The following ARHGAP10 variants were observed in gnomAD, a reference collection of about 807,000 sequenced individuals.
ARHGAP10 encodes rho GTPase-activating protein 10.
Under a neutral mutation model 108.6 loss-of-function variants are expected in ARHGAP10, and 87 were observed. The ratio of observed to expected loss-of-function variants is 0.80; its 90% CI spans 0.67 to 0.96. The LOEUF (loss-of-function observed/expected upper bound fraction) is 0.96. ARHGAP10 is among the 40% of genes least tolerant of loss of function. The pLI is 0.00. For synonymous variants in ARHGAP10, 347 were observed against 341.1 expected, an observed-to-expected ratio of 1.02 and a Z score of -0.19; for missense variants, 939 against 954.5, an observed-to-expected ratio of 0.98 and a Z score of 0.21.
At chr4:147,886,876 T>C (rs1380916645) in intron 10 of ARHGAP10, among the ~76,000 whole-genome samples, 1 of 152,152 alleles carries the variant, frequency 6.6e-6, no homozygotes, top group Non-Finnish European at 1.5e-5. Context: ...GTTCAAGCAA[T>C]TCTTATGCCT....
chr4:147,978,758 C>T (rs961623773), intron 18 of ARHGAP10, among the ~76,000 whole-genome samples: 2 of 152,198 alleles, frequency 1.3e-5, no homozygotes, highest in East Asian at 1.9e-4. Context: ...GTGAGAATGG[C>T]CTAATACAGA....
intron 18 of ARHGAP10, among the ~76,000 whole-genome samples, chr4:148,004,223 A>G (rs1228427216): frequency 1.3e-5 from 2 of 152,228 alleles, no homozygotes; most frequent in Admixed American, 6.5e-5. Flanking sequence ...TTTGAAGGGC[A>G]TCTCTCTGCT....
intron 1 of ARHGAP10, among the ~76,000 whole-genome samples, chr4:147,768,858 A>G (rs1579021056): frequency 6.6e-6 from 1 of 150,580 alleles, no homozygotes; most frequent in Non-Finnish European, 1.5e-5. Flanking sequence ...TCTTCCTCAG[A>G]CTCCCAAGTA....
intron 7 of ARHGAP10, among the ~76,000 whole-genome samples, chr4:147,870,522 C>T (rs1205653853): frequency 1.3e-5 from 2 of 150,624 alleles, no homozygotes; most frequent in East Asian, 3.9e-4. Context: ...CCTATTTTTC[C>T]CCATCTGATA....
chr4:147,886,784 T>C (rs1735584417), intron 10 of ARHGAP10, among the ~76,000 whole-genome samples: 2 of 152,196 alleles, frequency 1.3e-5, no homozygotes, highest in African/African-American at 4.8e-5. Context: ...CTTTTTCTTT[T>C]CTTTGAGATA....
At chr4:147,759,164 A>G (rs1416565329) in intron 1 of ARHGAP10, among the ~76,000 whole-genome samples, 1 of 152,202 alleles carries the variant, frequency 6.6e-6, no homozygotes, top group Non-Finnish European at 1.5e-5. Context: ...CTATTGTAAT[A>G]AAATAGTGAT....
chr4:147,785,932 T>G (rs1296170301), intron 1 of ARHGAP10, among the ~76,000 whole-genome samples: 1 of 152,162 alleles, frequency 6.6e-6, no homozygotes, highest in Non-Finnish European at 1.5e-5. Context: ...ATTTTTCAAG[T>G]CTCTAGTAGT....
chr4:147,936,582 G>T (rs1387628660), intron 13 of ARHGAP10, among the ~76,000 whole-genome samples: 2 of 151,996 alleles, frequency 1.3e-5, no homozygotes, highest in Non-Finnish European at 1.5e-5. Context: ...ACCCGCCTCG[G>T]CCTCCCAAAG....
At chr4:147,831,670 GC>G (rs1221634713) in intron 3 of ARHGAP10, among the ~76,000 whole-genome samples, 1 of 152,146 alleles carries the variant, frequency 6.6e-6, no homozygotes, top group African/African-American at 2.4e-5. Context: ...GGACAGCATT[GC>G]TTTTTCTTAC....
intron 20 of ARHGAP10, among the ~76,000 whole-genome samples, chr4:148,047,654 A>C (rs1728947351): frequency 6.6e-6 from 1 of 152,214 alleles, no homozygotes; most frequent in Admixed American, 6.5e-5. Context: ...TGTGTTGACC[A>C]AGGCTGTGGA....
rs530669393 is a variant in ARHGAP10 at position 147,977,380 on chromosome 4, T to G, written c.1716+10541T>G. ...TAGTTTGGGTATATATGGGCTTGGT[T>G]TTTTGCCTTGAGCTAGTGCTCACTA... On this transcript the variant is annotated intron_variant, in intron 18 of 22. Coordinates refer to ENST00000336498, the MANE Select transcript of ARHGAP10 (RefSeq NM_024605.4). 3.9e-5 allele frequency among the ~76,000 whole-genome samples: 6 copies of G among 152,186 alleles called. No homozygotes were observed. In the South Asian group the frequency reaches 1.0e-3, roughly 26 times the overall value.
intron 19 of ARHGAP10, among the ~76,000 whole-genome samples, chr4:148,036,794 C>T (rs1201012841): frequency 6.6e-6 from 1 of 152,130 alleles, no homozygotes; most frequent in East Asian, 1.9e-4. Context: ...TTGGACCTGA[C>T]TTTGACCCTT....
chr4:147,804,797 C>G (rs900003635), intron 1 of ARHGAP10, among the ~76,000 whole-genome samples: 3 of 151,924 alleles, frequency 2.0e-5, no homozygotes, highest in African/African-American at 7.2e-5. Flanking sequence ...TTGAAAAGTT[C>G]TTGTCCTTTG....
rs1730213605 is a variant in ARHGAP10, at chr4:148,072,173, C to T, written c.*92C>T. The T allele has an allele frequency of 1.8e-6, 2 of 1,138,620 alleles. No individual in the cohort carries two copies. Among genetic ancestry groups the T allele is most frequent in the African/African-American group, 1.6e-5 (1 of 63,992 alleles). 70.5% of individuals were successfully genotyped at this position (1,138,620 alleles called of 1,614,324 possible). A position where few individuals can be genotyped will look rare whatever the true frequency, so the allele number is the denominator to read the frequency against. ...TCCTCCTCCGAGGCTCTGGGCTGCA[C>T]CCACAGGTACCTCCACACTTGGGAG... is the stretch of plus-strand genomic sequence containing the variant. On this transcript the variant is annotated 3_prime_UTR_variant, in exon 23 of 23. Coordinates refer to ENST00000336498, the MANE Select transcript of ARHGAP10 (RefSeq NM_024605.4).
intron 18 of ARHGAP10, among the ~76,000 whole-genome samples, chr4:147,995,149 T>G (rs1740423495): frequency 6.6e-6 from 1 of 152,278 alleles, no homozygotes; most frequent in African/African-American, 2.4e-5. Context: ...CTGTTATAAA[T>G]TGTTTTTCAT....
At chr4:147,751,164 G>C (rs1729128798) in intron 1 of ARHGAP10, among the ~76,000 whole-genome samples, 1 of 151,728 alleles carries the variant, frequency 6.6e-6, no homozygotes, top group Admixed American at 6.6e-5. Context: ...GGGCAACCGA[G>C]TGAGACGCCA....
At chr4:147,803,752 A>C (rs202014759) in intron 1 of ARHGAP10, among the ~76,000 whole-genome samples, 1 of 152,178 alleles carries the variant, frequency 6.6e-6, no homozygotes, top group Non-Finnish European at 1.5e-5. Context: ...GTTGCTGTAA[A>C]TTACAGCATT....
intron 14 of ARHGAP10, among the ~76,000 whole-genome samples, chr4:147,943,666 G>C (rs1738256532): frequency 6.6e-6 from 1 of 152,174 alleles, no homozygotes; most frequent in South Asian, 2.1e-4. Flanking sequence ...CCCATAAAGT[G>C]TCCTTCCTTG....
chr4:147,816,445 C>G (rs1352224014), intron 1 of ARHGAP10, among the ~76,000 whole-genome samples: 1 of 152,222 alleles, frequency 6.6e-6, no homozygotes, highest in East Asian at 1.9e-4. Flanking sequence ...TTTGTCACTT[C>G]AAGTCATTCA....
Sources: gnomAD v4.1 joint callset for allele counts (sites outside exome capture counted in the v4.1 genomes callset) on GRCh38, gnomAD v4.1.1 for gene constraint, MANE v1.5 for transcripts, NCBI Gene and HGNC (gene_info 2026-07-23, HGNC 2026-07-21) for gene names.